The following PCCA variants were observed in gnomAD, a reference collection of about 807,000 sequenced individuals.
The protein encoded by PCCA is propionyl-CoA carboxylase alpha chain, mitochondrial.
In PCCA, 74 loss-of-function variants were observed where a neutral mutation model predicts 101.3. That is an observed-to-expected ratio of 0.73 (90% CI 0.61 to 0.89). The LOEUF is 0.89. Among genes scored for constraint, PCCA ranks in the 40% least tolerant of loss-of-function variants. PCCA has a pLI of 0.00. For synonymous variants in PCCA, 294 were observed against 313.6 expected (o/e 0.94, Z 0.66); for missense variants, 891 against 907.0 (o/e 0.98, Z 0.23).
intron 6 of PCCA, among the ~76,000 whole-genome samples, chr13:100,175,406 G>T (rs9518015): frequency 0.19 from 29,485 of 152,174 alleles, 3,730 homozygotes; most frequent in Middle Eastern, 0.39. Context: ...TTGATGAAAT[G>T]TAAGCAATTT....
intron 19 of PCCA, among the ~76,000 whole-genome samples, chr13:100,369,374 C>G (rs2075418064): frequency 6.6e-6 from 1 of 152,104 alleles, no homozygotes; most frequent in Non-Finnish European, 1.5e-5. Flanking sequence ...ATATGAACAT[C>G]AAAACAATAT....
intron 12 of PCCA, among the ~76,000 whole-genome samples, chr13:100,279,666 G>A (rs2063931861): frequency 6.6e-6 from 1 of 151,984 alleles, no homozygotes; most frequent in Non-Finnish European, 1.5e-5. Context: ...AGTAGAGATG[G>A]GGTTTTACCA....
intron 12 of PCCA, among the ~76,000 whole-genome samples, chr13:100,295,384 G>C (rs1278917980): frequency 6.6e-6 from 1 of 152,160 alleles, no homozygotes; most frequent in Non-Finnish European, 1.5e-5. Flanking sequence ...ACTTTGCTAA[G>C]TTGAATCCAA....
In PCCA at chr13:100,211,594, C is replaced by T. The variant is rs141266812; in HGVS notation, c.600+2131C>T. Among the ~76,000 whole-genome samples, 102 of 152,206 alleles carry T rather than the reference C, an allele frequency of 6.7e-4. 1 individual carries two copies. The highest frequency in any genetic ancestry group is 4.8e-4 in the African/African-American group (20 of 41,538). Reference sequence around the variant, plus strand: ...TGAATGCCATTCTTAGATTCCTTCCCGATTGTTCTTCCTATCTTTGTTCCT... The same window carrying T: ...TGAATGCCATTCTTAGATTCCTTCCTGATTGTTCTTCCTATCTTTGTTCCT... On this transcript the variant is annotated intron_variant, in intron 7 of 23. Coordinates refer to ENST00000376285, the MANE Select transcript of PCCA (RefSeq NM_000282.4).
At chr13:100,229,001 T>G (rs1035652607) in intron 7 of PCCA, among the ~76,000 whole-genome samples, 1 of 152,084 alleles carries the variant, frequency 6.6e-6, no homozygotes, top group Non-Finnish European at 1.5e-5. Context: ...TGAAATGAGC[T>G]GCTTTCTTTT....
In PCCA at chr13:100,361,444, CTTT is replaced by C. The variant is rs71419745; in HGVS notation, c.1644-7015_1644-7013del. Among the ~76,000 whole-genome samples the C allele has an allele frequency of 2.8e-3, 415 of 149,362 alleles. 3 individuals carry two copies. Among genetic ancestry groups the C allele is most frequent in the South Asian group, 5.1e-3 (24 of 4,662 alleles). On this transcript the variant is annotated intron_variant, in intron 18 of 23. Coordinates refer to ENST00000376285, the MANE Select transcript of PCCA (RefSeq NM_000282.4). The stretch of plus-strand genomic sequence containing the variant: ...CTAAAACTGCTTTAAAAAATAATGT[CTTT>C]TTTTTTTTTTTTAAATCTGCTGAAG...
At chr13:100,357,461 G>A (rs534541499) in intron 18 of PCCA, among the ~76,000 whole-genome samples, 2 of 152,356 alleles carry the variant, frequency 1.3e-5, no homozygotes, top group South Asian at 4.1e-4. Flanking sequence ...GGTGGAAGTA[G>A]TAGATGTATG....
chr13:100,378,359 A>G (rs1254052383), intron 19 of PCCA, among the ~76,000 whole-genome samples: 1 of 152,112 alleles, frequency 6.6e-6, no homozygotes, highest in Non-Finnish European at 1.5e-5. Flanking sequence ...CAGTTTTTAA[A>G]ACTCTGTATT....
At chr13:100,383,578 C>G (rs1054396352) in intron 19 of PCCA, among the ~76,000 whole-genome samples, 2 of 151,574 alleles carry the variant, frequency 1.3e-5, no homozygotes, top group African/African-American at 4.8e-5. Flanking sequence ...CCACTGCACT[C>G]TAGCCTGGGT....
At chr13:100,520,889 A>G (rs1210829506) in intron 22 of PCCA, among the ~76,000 whole-genome samples, 1 of 152,094 alleles carries the variant, frequency 6.6e-6, no homozygotes, top group African/African-American at 2.4e-5. Context: ...TGGGAGTAGA[A>G]GGTGTTTTCT....
At position 100,179,056 on chromosome 13, in the gene PCCA, GAC is replaced by G. The variant is rs1176772109; in HGVS notation, c.468+21718_468+21719del. Among the ~76,000 whole-genome samples, 3 of 141,174 alleles carry G rather than the reference GAC, an allele frequency of 2.1e-5. No individual in the cohort carries two copies. In the East Asian group the frequency reaches 6.4e-4, roughly 30 times the overall value. 92.6% of individuals were successfully genotyped at this position (141,174 alleles called of 152,430 possible). A position where few individuals can be genotyped will look rare whatever the true frequency, so the allele number is the denominator to read the frequency against. On this transcript the variant is annotated intron_variant, in intron 6 of 23. Coordinates refer to ENST00000376285, the MANE Select transcript of PCCA (RefSeq NM_000282.4). ...CGTGCCACTGCACTCCAGCCTGGGTGACAGAGCGAGACTCCTTCTCAAAAAAA... is the reference window on the plus strand; with the variant it reads ...CGTGCCACTGCACTCCAGCCTGGGTGAGAGCGAGACTCCTTCTCAAAAAAA...
intron 21 of PCCA, among the ~76,000 whole-genome samples, chr13:100,510,471 G>A (rs1240348489): frequency 1.3e-5 from 2 of 152,162 alleles, no homozygotes; most frequent in Non-Finnish European, 2.9e-5. Context: ...GATGTGAAGT[G>A]GGCCTGCTTT....
rs1251250923 is a variant in PCCA, at chr13:100,287,811, T to TA, written c.1066-13648dup. On this transcript the variant is annotated intron_variant, in intron 12 of 23. Coordinates refer to ENST00000376285, the MANE Select transcript of PCCA (RefSeq NM_000282.4). ...TATTTTGATTTGTTTTATATAAAGT[T>TA]AGGGGGTTTTTTTAATCAAGAATTT... Among the ~76,000 whole-genome samples, 7 of 16,330 alleles carry TA rather than the reference T, an allele frequency of 4.3e-4. No individual in the cohort carries two copies. The Non-Finnish European group carries it at 8.6e-3, about 20-fold the overall frequency. The allele number at this position is 16,330 out of a possible 152,430, so 10.7% of individuals were successfully genotyped here.
At chr13:100,126,818 T>G (rs1276902084) in intron 4 of PCCA, among the ~76,000 whole-genome samples, 3 of 152,224 alleles carry the variant, frequency 2.0e-5, no homozygotes, top group African/African-American at 7.2e-5. Flanking sequence ...TTGTGAGCAC[T>G]GCCAAATTTA....
intron 16 of PCCA, among the ~76,000 whole-genome samples, chr13:100,329,568 G>GAA (rs931538416): frequency 2.0e-5 from 3 of 152,102 alleles, no homozygotes; most frequent in African/African-American, 7.2e-5. Flanking sequence ...TTGGAAGGAT[G>GAA]AAAAAGCTCC....
chr13:100,317,374 A>G (rs753668299), intron 16 of PCCA, among the ~76,000 whole-genome samples: 4 of 152,158 alleles, frequency 2.6e-5, no homozygotes, highest in Non-Finnish European at 4.4e-5. Flanking sequence ...GTTCCCCCAT[A>G]AGTAGGAACG....
chr13:100,244,612 T>C (rs1206067515), intron 8 of PCCA, among the ~76,000 whole-genome samples: 1 of 151,442 alleles, frequency 6.6e-6, no homozygotes, highest in South Asian at 2.1e-4. Context: ...AAAAAAACAT[T>C]GCTTTTTTTG....
intron 19 of PCCA, among the ~76,000 whole-genome samples, chr13:100,383,160 T>TTTA (rs1200455607): frequency 6.6e-6 from 1 of 151,912 alleles, no homozygotes; most frequent in Non-Finnish European, 1.5e-5. Flanking sequence ...CTGGCTAATT[T>TTTA]TTATATTTTT....
chr13:100,125,112 A>G (rs2049818185), intron 4 of PCCA, among the ~76,000 whole-genome samples: 2 of 148,936 alleles, frequency 1.3e-5, no homozygotes, highest in Non-Finnish European at 1.5e-5. Context: ...GTGTTAACTG[A>G]AAAGTATCAG....
Sources: allele counts gnomAD v4.1 joint callset (sites outside exome capture counted in the v4.1 genomes callset), GRCh38; gene constraint gnomAD v4.1.1; transcripts MANE v1.5; gene names NCBI Gene and HGNC (gene_info 2026-07-23, HGNC 2026-07-21).